NCOR1: variants seen among roughly 807,000 people sequenced by gnomAD.
The protein encoded by NCOR1 is protein phosphatase 1, regulatory subunit 109.
NCOR1 carries 63 observed loss-of-function variants against 288.1 expected under a neutral mutation model. The ratio of observed to expected loss-of-function variants is 0.22; its 90% CI spans 0.18 to 0.27. NCOR1 has a LOEUF of 0.27. NCOR1 is among the 10% of genes least tolerant of loss of function. The pLI, the probability that NCOR1 is intolerant of heterozygous loss-of-function variation, is 1.00. For synonymous variants in NCOR1, 1,007 were observed against 1,065.9 expected, an observed-to-expected ratio of 0.94 and a Z score of 1.08; for missense variants, 2,397 against 3,019.2, an observed-to-expected ratio of 0.79 and a Z score of 4.83.
In NCOR1 at chr17:16,150,345, T is replaced by G. The variant is rs144369863; in HGVS notation, c.843-828A>C. ...TGAAAAGAATTATTAAAATGTACAT[T>G]TGCTATTTCATACAAAGCAAATGAC... On this transcript the variant is annotated intron_variant, in intron 8 of 45. Coordinates refer to ENST00000268712, the MANE Select transcript of NCOR1 (RefSeq NM_006311.4). Among the ~76,000 whole-genome samples, 353 of 152,050 alleles carry G rather than the reference T, an allele frequency of 2.3e-3. 2 individuals carry two copies. Among genetic ancestry groups the G allele is most frequent in the African/African-American group, 8.3e-3 (343 of 41,502 alleles).
chr17:16,093,938 C>T (rs192321363), intron 21 of NCOR1, among the ~76,000 whole-genome samples: 32 of 152,126 alleles, frequency 2.1e-4, no homozygotes, highest in African/African-American at 7.2e-4. Context: ...GACAGTGTCT[C>T]GCTTTTTCAC....
intron 4 of NCOR1, among the ~76,000 whole-genome samples, chr17:16,170,679 A>G (rs2082968671): frequency 6.6e-6 from 1 of 152,032 alleles, no homozygotes; most frequent in Non-Finnish European, 1.5e-5. Context: ...TACTAAAAAT[A>G]CAAAAATTAG....
intron 1 of NCOR1, among the ~76,000 whole-genome samples, chr17:16,203,723 G>A (rs1180426478): frequency 2.0e-5 from 3 of 152,136 alleles, no homozygotes; most frequent in African/African-American, 7.2e-5. Flanking sequence ...TCCCATTCAT[G>A]GGTCTAATTT....
At chr17:16,094,427 G>T (rs536576076) in intron 21 of NCOR1, among the ~76,000 whole-genome samples, 2 of 152,196 alleles carry the variant, frequency 1.3e-5, no homozygotes, top group Admixed American at 6.5e-5. Context: ...ACACATTTTT[G>T]AATAAAGCAA....
intron 23 of NCOR1, among the ~76,000 whole-genome samples, 167 bp from the exon 24 acceptor site, chr17:16,080,894 T>C (rs186347038): frequency 6.6e-5 from 10 of 152,038 alleles, no homozygotes; most frequent in African/African-American, 2.4e-4. Flanking sequence ...ATCTTCATCG[T>C]AGATTGCTTA....
At chr17:16,203,724 G>A (rs1394988237) in intron 1 of NCOR1, among the ~76,000 whole-genome samples, 1 of 151,986 alleles carries the variant, frequency 6.6e-6, no homozygotes, top group Non-Finnish European at 1.5e-5. Flanking sequence ...CCCATTCATG[G>A]GTCTAATTTT....
At chr17:16,086,227 G>A (rs968545689) in intron 23 of NCOR1, 55 bp downstream of exon 23, 14 of 1,552,600 alleles carry the variant, frequency 9.0e-6, no homozygotes, top group East Asian at 9.0e-5. Context: ...GGGAGGACAA[G>A]TTTTAACAAA....
chr17:16,104,588 T>C (rs1302289030), intron 19 of NCOR1, among the ~76,000 whole-genome samples: 2 of 152,216 alleles, frequency 1.3e-5, no homozygotes, highest in East Asian at 1.9e-4. Flanking sequence ...TTGGGCCACA[T>C]AGTAAGACCT....
chr17:16,121,348 T>C, intron 15 of NCOR1, 79 bp from the exon 16 acceptor site: 2 of 1,192,268 alleles, frequency 1.7e-6, no homozygotes, highest in Middle Eastern at 2.0e-4. Context: ...TTGAATATTA[T>C]CTAAATAGAA....
At position 16,215,391 on chromosome 17, in the gene NCOR1, T is replaced by C; in HGVS notation, c.-100A>G. 2.5e-6 allele frequency: 1 copy of C among 395,402 alleles called. No homozygotes were observed. Among genetic ancestry groups the C allele is most frequent in the Middle Eastern group, 6.4e-4 (1 of 1,574 alleles). The allele number at this position is 395,402 out of a possible 1,614,324, so 24.5% of individuals were successfully genotyped here. The stretch of plus-strand genomic sequence containing the variant: ...AGCTGGCTAAGCGTGGGAGCCGACG[T>C]GCGCCCCGGCCTGAGGAGTGGGACG... On this transcript the variant is annotated 5_prime_UTR_variant, in exon 1 of 46. Coordinates refer to ENST00000268712, the MANE Select transcript of NCOR1 (RefSeq NM_006311.4).
intron 14 of NCOR1, among the ~76,000 whole-genome samples, chr17:16,134,994 C>G (rs1036185216): frequency 6.6e-6 from 1 of 151,730 alleles, no homozygotes; most frequent in Non-Finnish European, 1.5e-5. Flanking sequence ...CCCGTCTCTA[C>G]TAAATATACA....
chr17:16,054,493 G>A (rs565464990), intron 40 of NCOR1, among the ~76,000 whole-genome samples: 37 of 152,202 alleles, frequency 2.4e-4, no homozygotes, highest in African/African-American at 7.5e-4. Context: ...CCGAGACTGC[G>A]CCACTGAAAT....
chr17:16,081,530 G>C (rs2063413873), intron 23 of NCOR1, among the ~76,000 whole-genome samples: 1 of 152,126 alleles, frequency 6.6e-6, no homozygotes, highest in Admixed American at 6.5e-5. Context: ...GCAAACCTAT[G>C]GTGGCTGCCT....
At chr17:16,201,754 T>C (rs1372948290) in intron 1 of NCOR1, among the ~76,000 whole-genome samples, 1 of 152,134 alleles carries the variant, frequency 6.6e-6, no homozygotes, top group Non-Finnish European at 1.5e-5. Context: ...TTCTCTGAAC[T>C]GAACAACACT....
At chr17:16,083,113 G>T (rs1179380824) in intron 23 of NCOR1, among the ~76,000 whole-genome samples, 2 of 151,972 alleles carry the variant, frequency 1.3e-5, no homozygotes, top group Non-Finnish European at 2.9e-5. Flanking sequence ...TGCACCTGTA[G>T]TCCCAGCTAC....
rs759786390 is a variant in NCOR1, at chr17:16,171,845, G to A, written c.393C>T (p.His131=). 1.4e-5 allele frequency: 23 copies of A among 1,611,230 alleles called. No homozygotes were observed. In the Admixed American group the frequency reaches 3.7e-4, roughly 26 times the overall value. ...RVSAAVLPLV[H]PLPEGLRASA... ...AAGCCCTCAGCCCTTCTGGCAGCGG[G>A]TGCACTAAAGGCAAAACCGCAGCAC... The change falls in exon 4 of 46, where the codon CAC becomes CAT. Residue 131 remains histidine, a synonymous_variant. Transcript: ENST00000268712.
intron 11 of NCOR1, among the ~76,000 whole-genome samples, chr17:16,141,127 G>A (rs555682549): frequency 1.3e-5 from 2 of 152,152 alleles, no homozygotes; most frequent in African/African-American, 4.8e-5. Context: ...GTACATCTCC[G>A]GGAATCTGGG....
At chr17:16,054,679 C>A (rs2059712275) in intron 40 of NCOR1, among the ~76,000 whole-genome samples, 1 of 152,168 alleles carries the variant, frequency 6.6e-6, no homozygotes, top group Non-Finnish European at 1.5e-5. Context: ...CCTGTAATCC[C>A]ACCACTTTGG....
intron 38 of NCOR1, 124 bp downstream of exon 38, chr17:16,058,347 T>C: frequency 8.1e-7 from 1 of 1,240,196 alleles, no homozygotes; most frequent in East Asian, 2.4e-5. Flanking sequence ...TAAAGAAGGC[T>C]CATGTAAGAT....
Sources: allele counts gnomAD v4.1 joint callset (sites outside exome capture counted in the v4.1 genomes callset), GRCh38; gene constraint gnomAD v4.1.1; transcripts MANE v1.5; gene names NCBI Gene and HGNC (gene_info 2026-07-23, HGNC 2026-07-21).